Variants in B3GALT1 observed in about 807,000 individuals in gnomAD.
B3GALT1 encodes UDP-Gal:betaGlcNAc beta 1,3-galactosyltransferase, polypeptide 1.
Under a neutral mutation model 23.2 loss-of-function variants are expected in B3GALT1, and 10 were observed. The observed-to-expected ratio is 0.43, with a 90% CI of 0.27 to 0.73. B3GALT1 has a LOEUF of 0.73. Among genes scored for constraint, B3GALT1 ranks in the 30% least tolerant of loss-of-function variants. The pLI is 0.21. For synonymous variants in B3GALT1, 156 were observed against 141.5 expected, an observed-to-expected ratio of 1.10 and a Z score of -0.73; for missense variants, 299 against 405.4, an observed-to-expected ratio of 0.74 and a Z score of 2.25.
intron 1 of B3GALT1, among the ~76,000 whole-genome samples, chr2:167,318,152 C>T (rs577930076): frequency 2.0e-5 from 3 of 152,028 alleles, no homozygotes; most frequent in African/African-American, 7.2e-5. Flanking sequence ...GGTGAGGAAA[C>T]CCCGTCTCTA....
At position 167,739,361 on chromosome 2, in the gene B3GALT1, C is replaced by T. The variant is rs578093917; in HGVS notation, c.-351-79311C>T. Among the ~76,000 whole-genome samples the T allele has an allele frequency of 2.6e-5, 4 of 152,226 alleles. No homozygotes were observed. In the East Asian group the frequency reaches 7.7e-4, roughly 29 times the overall value. ...CCTATTCATAAGACGTAACAGCTTC[C>T]TTGGTCCAAGGAAAGAAAGCAGAGG... is the stretch of plus-strand genomic sequence containing the variant. On this transcript the variant is annotated intron_variant, in intron 3 of 4. Coordinates refer to ENST00000392690, the MANE Select transcript of B3GALT1 (RefSeq NM_020981.4).
chr2:167,822,168 C>T (rs1011960588), intron 4 of B3GALT1, among the ~76,000 whole-genome samples: 1 of 152,142 alleles, frequency 6.6e-6, no homozygotes, highest in African/African-American at 2.4e-5. Flanking sequence ...CCTGTACCAT[C>T]CCTATAGTCA....
At chr2:167,804,367 T>G (rs1426329224) in intron 3 of B3GALT1, among the ~76,000 whole-genome samples, 1 of 152,036 alleles carries the variant, frequency 6.6e-6, no homozygotes, top group Non-Finnish European at 1.5e-5. Context: ...AGGGTACATG[T>G]GCACAATGTG....
At chr2:167,820,754 C>T (rs890035918) in intron 4 of B3GALT1, among the ~76,000 whole-genome samples, 3 of 152,310 alleles carry the variant, frequency 2.0e-5, no homozygotes, top group East Asian at 1.9e-4. Context: ...AGACAAAAAG[C>T]GTTAAGCTTC....
At chr2:167,299,808 C>T (rs960340175) in intron 1 of B3GALT1, among the ~76,000 whole-genome samples, 1 of 151,344 alleles carries the variant, frequency 6.6e-6, no homozygotes, top group African/African-American at 2.4e-5. Context: ...CTCTTGGTCT[C>T]TCTCTCTCTC....
chr2:167,572,415 T>G (rs1684310535), intron 2 of B3GALT1, among the ~76,000 whole-genome samples: 1 of 151,864 alleles, frequency 6.6e-6, no homozygotes, highest in African/African-American at 2.4e-5. Flanking sequence ...AGAAAACGTT[T>G]TTCAGATTTG....
intron 3 of B3GALT1, among the ~76,000 whole-genome samples, chr2:167,724,104 T>A (rs1411203264): frequency 6.6e-6 from 1 of 152,206 alleles, no homozygotes; most frequent in Non-Finnish European, 1.5e-5. Context: ...CTCCTTGCAT[T>A]TATGTTAAAT....
Position 167,333,643 on chromosome 2 carries a change from G to A in B3GALT1, c.-511+40309G>A, listed in dbSNP as rs1210328397. On this transcript the variant is annotated intron_variant, in intron 1 of 4. Transcript: ENST00000392690. ...CCTAGAATGGCAGTGTCAGGGAACT[G>A]TATAAGTAACAGGATAAAGCATCTC... Among the ~76,000 whole-genome samples, 3 of 152,158 alleles carry A rather than the reference G, an allele frequency of 2.0e-5. No homozygotes were observed. The East Asian group carries it at 5.8e-4, about 29-fold the overall frequency.
intron 1 of B3GALT1, among the ~76,000 whole-genome samples, chr2:167,319,982 T>C (rs563363982): frequency 6.6e-6 from 1 of 152,232 alleles, no homozygotes; most frequent in African/African-American, 2.4e-5. Flanking sequence ...AGGTTTCTTA[T>C]GCTAGAAGTG....
intron 1 of B3GALT1, among the ~76,000 whole-genome samples, chr2:167,379,355 T>G (rs1697809954): frequency 6.6e-6 from 1 of 152,006 alleles, no homozygotes; most frequent in African/African-American, 2.4e-5. Flanking sequence ...AAGATGAGAT[T>G]TGGGTGGGGA....
intron 1 of B3GALT1, among the ~76,000 whole-genome samples, chr2:167,343,498 T>C (rs939881070): frequency 6.6e-6 from 1 of 152,192 alleles, no homozygotes; most frequent in Non-Finnish European, 1.5e-5. Flanking sequence ...ACATGATGGC[T>C]AAGCAATGTC....
At chr2:167,467,901 G>T (rs1348272188) in intron 1 of B3GALT1, among the ~76,000 whole-genome samples, 2 of 152,134 alleles carry the variant, frequency 1.3e-5, no homozygotes, top group Non-Finnish European at 2.9e-5. Flanking sequence ...TGACATTGGG[G>T]TAAAGCAAAG....
intron 4 of B3GALT1, among the ~76,000 whole-genome samples, chr2:167,828,768 G>T (rs755720898): frequency 6.6e-6 from 1 of 152,204 alleles, no homozygotes; most frequent in Non-Finnish European, 1.5e-5. Flanking sequence ...ACCCTGTGTG[G>T]TTTGTTCTGT....
At chr2:167,312,244 G>C (rs1696643073) in intron 1 of B3GALT1, among the ~76,000 whole-genome samples, 1 of 151,928 alleles carries the variant, frequency 6.6e-6, no homozygotes, top group Admixed American at 6.6e-5. Flanking sequence ...TAAATGTATG[G>C]AGAAATCTAA....
chr2:167,725,137 G>A (rs1009499165), intron 3 of B3GALT1, among the ~76,000 whole-genome samples: 6 of 152,256 alleles, frequency 3.9e-5, no homozygotes, highest in Admixed American at 6.5e-5. Flanking sequence ...GTATTCTGAT[G>A]TACTGCCCTT....
chr2:167,748,113 A>C (rs888367792), intron 3 of B3GALT1, among the ~76,000 whole-genome samples: 1 of 152,218 alleles, frequency 6.6e-6, no homozygotes, highest in Non-Finnish European at 1.5e-5. Flanking sequence ...AGAAGAAAAT[A>C]AAACAATAAC....
intron 4 of B3GALT1, among the ~76,000 whole-genome samples, chr2:167,859,537 G>A (rs191966448): frequency 2.0e-5 from 3 of 152,060 alleles, no homozygotes; most frequent in East Asian, 1.9e-4. Context: ...CTTTCAGGTC[G>A]GCCCCATTCT....
At chr2:167,784,180 C>G (rs1338217036) in intron 3 of B3GALT1, among the ~76,000 whole-genome samples, 1 of 152,176 alleles carries the variant, frequency 6.6e-6, no homozygotes, top group Non-Finnish European at 1.5e-5. Flanking sequence ...ACACAAAGGG[C>G]CTGAAGCTGA....
chr2:167,526,779 ATTGTAAAT>A (rs1396948232), intron 2 of B3GALT1, among the ~76,000 whole-genome samples: 1 of 152,182 alleles, frequency 6.6e-6, no homozygotes, highest in Non-Finnish European at 1.5e-5. Context: ...TTTCTTACTA[ATTGTAAAT>A]TCAATTCATG....
Sources: allele counts gnomAD v4.1 joint callset (sites outside exome capture counted in the v4.1 genomes callset), GRCh38; gene constraint gnomAD v4.1.1; transcripts MANE v1.5; gene names NCBI Gene and HGNC (gene_info 2026-07-23, HGNC 2026-07-21).